The following DLG2 variants were observed in gnomAD, a reference collection of about 807,000 sequenced individuals.
The protein encoded by DLG2 is discs large MAGUK scaffold protein 2, also known as disks large homolog 2.
In DLG2, 45 loss-of-function variants were observed where a neutral mutation model predicts 132.5. The ratio of observed to expected loss-of-function variants is 0.34; its 90% CI spans 0.27 to 0.44. The LOEUF is 0.44. Ranked by LOEUF, DLG2 falls within the 20% of genes least tolerant of loss-of-function variation. The pLI is 1.00. For missense variants in DLG2, 1,045 were observed against 1,196.9 expected (o/e 0.87, Z 1.87); for synonymous variants, 424 against 419.6 (o/e 1.01, Z -0.13).
chr11:85,266,238 C>T (rs1249216786), intron 4 of DLG2, among the ~76,000 whole-genome samples: 2 of 152,222 alleles, frequency 1.3e-5, no homozygotes, highest in Admixed American at 1.3e-4. Flanking sequence ...TGGCAAGTTC[C>T]TGCACTCTCT....
chr11:84,228,037 T>C (rs1434757975), intron 8 of DLG2, among the ~76,000 whole-genome samples: 1 of 152,162 alleles, frequency 6.6e-6, no homozygotes, highest in East Asian at 1.9e-4. Flanking sequence ...TGGTGTTAGA[T>C]ATATTTAAAT....
intron 18 of DLG2, among the ~76,000 whole-genome samples, chr11:83,650,652 C>T (rs561286002): frequency 6.6e-6 from 1 of 152,256 alleles, no homozygotes; most frequent in East Asian, 1.9e-4. Flanking sequence ...TTTCTTTAAA[C>T]ACGCCACCTG....
At chr11:84,038,470 G>A (rs980771916) in intron 11 of DLG2, among the ~76,000 whole-genome samples, 6 of 151,836 alleles carry the variant, frequency 4.0e-5, no homozygotes, top group Non-Finnish European at 5.9e-5. Context: ...CAGTCGGAAT[G>A]GCTATTATAA....
chr11:85,199,669 A>G (rs2081308796), intron 4 of DLG2, among the ~76,000 whole-genome samples: 1 of 152,328 alleles, frequency 6.6e-6, no homozygotes, highest in Middle Eastern at 3.4e-3. Context: ...TTTGGAAAGT[A>G]CCATTGATGA....
At chr11:85,337,473 A>G (rs2082211100) in intron 3 of DLG2, among the ~76,000 whole-genome samples, 1 of 152,218 alleles carries the variant, frequency 6.6e-6, no homozygotes. Flanking sequence ...TATTTATGTT[A>G]AAATGAAATT....
Position 85,517,661 on chromosome 11 carries a change from G to T in DLG2, c.40+80996C>A, listed in dbSNP as rs568631708. 5.3e-5 allele frequency among the ~76,000 whole-genome samples: 8 copies of T among 151,586 alleles called. No individual in the cohort carries two copies. The South Asian group carries it at 1.7e-3, about 32-fold the overall frequency. On this transcript the variant is annotated intron_variant, in intron 3 of 27. Coordinates refer to ENST00000376104, the MANE Select transcript of DLG2 (RefSeq NM_001142699.3). ...GTCTCACTCTGTCACCCAGGCTGAA[G>T]TGCAATGGCACAATCATAGCTCGCT...
At chr11:85,565,388 T>C (rs1456194274) in intron 3 of DLG2, among the ~76,000 whole-genome samples, 1 of 152,038 alleles carries the variant, frequency 6.6e-6, no homozygotes, top group African/African-American at 2.4e-5. Flanking sequence ...ACTGTAATCA[T>C]TTTAAAGTAT....
intron 3 of DLG2, among the ~76,000 whole-genome samples, chr11:85,435,802 CA>C (rs1445859884): frequency 3.3e-5 from 5 of 151,910 alleles, no homozygotes; most frequent in Middle Eastern, 3.2e-3. Flanking sequence ...ACAGAATTAG[CA>C]AAACCTACTT....
At chr11:84,102,174 T>G (rs2154183153) in intron 9 of DLG2, among the ~76,000 whole-genome samples, 1 of 152,226 alleles carries the variant, frequency 6.6e-6, no homozygotes, top group Non-Finnish European at 1.5e-5. Flanking sequence ...TAGATCACAT[T>G]TCTGTGTTTT....
chr11:85,464,501 G>C (rs1204570889), intron 3 of DLG2, among the ~76,000 whole-genome samples: 2 of 152,094 alleles, frequency 1.3e-5, no homozygotes, highest in East Asian at 3.9e-4. Context: ...TGGAGCCACA[G>C]GATCAGCTGA....
At chr11:84,642,301 T>A (rs1354908289) in intron 6 of DLG2, among the ~76,000 whole-genome samples, 1 of 151,812 alleles carries the variant, frequency 6.6e-6, no homozygotes, top group Non-Finnish European at 1.5e-5. Context: ...AAATAATACT[T>A]ATAGTAAACT....
At chr11:84,377,791 C>T (rs2098735126) in intron 7 of DLG2, among the ~76,000 whole-genome samples, 1 of 152,046 alleles carries the variant, frequency 6.6e-6, no homozygotes, top group South Asian at 2.1e-4. Context: ...CTAATTTGAA[C>T]AGAAAGTATG....
chr11:83,682,084 G>A, intron 18 of DLG2: 1 of 960,070 alleles, frequency 1.0e-6, no homozygotes, highest in Non-Finnish European at 1.2e-6. Context: ...GACAGCAAGT[G>A]CCTATTCCAA....
chr11:84,839,657 T>C (rs914156749), intron 6 of DLG2, among the ~76,000 whole-genome samples: 3 of 152,018 alleles, frequency 2.0e-5, no homozygotes, highest in Non-Finnish European at 2.9e-5. Flanking sequence ...TCTAGACCAA[T>C]AGAACAGAAC....
intron 11 of DLG2, among the ~76,000 whole-genome samples, chr11:84,056,926 C>T (rs1378587358): frequency 2.6e-5 from 4 of 152,130 alleles, no homozygotes; most frequent in Admixed American, 6.6e-5. Flanking sequence ...ACAGGAATTT[C>T]GCAAGAGCCT....
chr11:85,435,489 A>G (rs1371103640), intron 3 of DLG2, among the ~76,000 whole-genome samples: 1 of 152,182 alleles, frequency 6.6e-6, no homozygotes, highest in African/African-American at 2.4e-5. Flanking sequence ...TTAATGTGCA[A>G]AAATCACAAG....
chr11:84,563,271 A>G (rs1261825534), intron 6 of DLG2, among the ~76,000 whole-genome samples: 3 of 152,244 alleles, frequency 2.0e-5, no homozygotes, highest in Non-Finnish European at 4.4e-5. Context: ...TAAATGAATG[A>G]GTGATGCTAC....
intron 21 of DLG2, among the ~76,000 whole-genome samples, chr11:83,520,619 G>A (rs1422385931): frequency 2.6e-4 from 36 of 137,870 alleles, no homozygotes; most frequent in Non-Finnish European, 1.6e-5. Flanking sequence ...AGACAGACAG[G>A]TAGGTAGATA....
At chr11:84,423,981 C>T (rs2098958768) in intron 7 of DLG2, among the ~76,000 whole-genome samples, 1 of 152,072 alleles carries the variant, frequency 6.6e-6, no homozygotes, top group Non-Finnish European at 1.5e-5. Context: ...AATAGTGATG[C>T]TGGACACTGA....
Sources: gnomAD v4.1 joint callset for allele counts (sites outside exome capture counted in the v4.1 genomes callset) on GRCh38, gnomAD v4.1.1 for gene constraint, MANE v1.5 for transcripts, NCBI Gene and HGNC (gene_info 2026-07-23, HGNC 2026-07-21) for gene names.